GALNT13: variants seen among roughly 807,000 people sequenced by gnomAD.
GALNT13 encodes the protein UDP-GalNAc:polypeptide N-acetylgalactosaminyltransferase 13.
GALNT13 carries 28 observed loss-of-function variants against 64.2 expected under a neutral mutation model. The observed-to-expected ratio is 0.44, with a 90% confidence interval of 0.32 to 0.60. GALNT13 has a LOEUF of 0.60. Among genes scored for constraint, GALNT13 ranks in the 20% least tolerant of loss-of-function variants. GALNT13 has a pLI of 0.05. For synonymous variants in GALNT13, 214 were observed against 224.6 expected, an observed-to-expected ratio of 0.95 and a Z score of 0.42; for missense variants, 577 against 669.8, an observed-to-expected ratio of 0.86 and a Z score of 1.53.
intron 3 of GALNT13, among the ~76,000 whole-genome samples, chr2:154,018,767 TGA>T (rs1427167256): frequency 5.0e-5 from 7 of 140,670 alleles, no homozygotes; most frequent in Admixed American, 3.7e-4. Flanking sequence ...AGAAAGAGAA[TGA>T]GAGAGAAGGA....
chr2:154,374,834 A>G (rs1020808369), intron 9 of GALNT13, among the ~76,000 whole-genome samples: 3 of 152,222 alleles, frequency 2.0e-5, no homozygotes, highest in African/African-American at 7.2e-5. Flanking sequence ...TGTTTTAAAT[A>G]TCTTTCAAAA....
At chr2:154,409,178 C>A (rs1312739998) in intron 11 of GALNT13, 96 bp downstream of exon 11, 1 of 794,524 alleles carries the variant, frequency 1.3e-6, no homozygotes, top group Non-Finnish European at 2.2e-6. Context: ...TAACTATAAA[C>A]TGAGCTTAAT....
the GALNT13 span, among the ~76,000 whole-genome samples, chr2:153,509,653 C>T: frequency 6.6e-6 from 1 of 152,300 alleles, no homozygotes; most frequent in South Asian, 2.1e-4. Context: ...CAGCAATCAA[C>T]ATTTAACTCT....
chr2:153,443,865 G>A, the GALNT13 span, among the ~76,000 whole-genome samples: 1 of 152,038 alleles, frequency 6.6e-6, no homozygotes, highest in Non-Finnish European at 1.5e-5. Context: ...AGAGTTTGCA[G>A]TGAGCTGAGA....
intron 3 of GALNT13, among the ~76,000 whole-genome samples, chr2:154,027,766 C>A (rs897390849): frequency 2.6e-5 from 4 of 151,932 alleles, no homozygotes; most frequent in African/African-American, 7.3e-5. Flanking sequence ...TAAATAGGAA[C>A]TGGGAATATA....
the GALNT13 span, among the ~76,000 whole-genome samples, chr2:153,198,319 G>A: frequency 6.6e-6 from 1 of 152,164 alleles, no homozygotes; most frequent in Non-Finnish European, 1.5e-5. Context: ...GGGAGTTGAG[G>A]AACTCTTCCA....
intron 9 of GALNT13, among the ~76,000 whole-genome samples, chr2:154,336,128 T>A (rs1178308393): frequency 6.6e-6 from 1 of 152,104 alleles, no homozygotes. Context: ...CATATAAAAT[T>A]TCCTAGCACA....
intron 3 of GALNT13, among the ~76,000 whole-genome samples, chr2:154,025,094 T>C (rs2105290535): frequency 6.6e-6 from 1 of 152,244 alleles, no homozygotes; most frequent in East Asian, 1.9e-4. Context: ...AAGTTGTCAG[T>C]CCGCCCCTAC....
At chr2:153,431,373 G>A in the GALNT13 span, among the ~76,000 whole-genome samples, 2 of 152,100 alleles carry the variant, frequency 1.3e-5, no homozygotes, top group East Asian at 3.9e-4. Flanking sequence ...CATGCCATGT[G>A]TAGATGTCTT....
the GALNT13 span, among the ~76,000 whole-genome samples, chr2:153,860,566 T>A: frequency 6.6e-6 from 1 of 152,180 alleles, no homozygotes; most frequent in Admixed American, 6.5e-5. Flanking sequence ...CTTCTATCCA[T>A]ATGCAAAGCT....
At chr2:153,762,593 A>G in the GALNT13 span, 941 of 172,460 alleles carry the variant, frequency 5.5e-3, 10 homozygotes, top group African/African-American at 0.022. Context: ...GTTCTTCCTT[A>G]GTGGTACTTT....
intron 11 of GALNT13, among the ~76,000 whole-genome samples, chr2:154,414,434 G>C (rs1476029102): frequency 6.6e-6 from 1 of 151,906 alleles, no homozygotes; most frequent in Non-Finnish European, 1.5e-5. Context: ...CAGGTTTATA[G>C]TCACTGTATT....
At chr2:153,242,957 G>A in the GALNT13 span, among the ~76,000 whole-genome samples, 1 of 152,086 alleles carries the variant, frequency 6.6e-6, no homozygotes. Flanking sequence ...TTGACTTTTG[G>A]GATTATCGAA....
chr2:154,203,043 A>G (rs1213310750), intron 4 of GALNT13, among the ~76,000 whole-genome samples: 1 of 152,094 alleles, frequency 6.6e-6, no homozygotes, highest in Non-Finnish European at 1.5e-5. Context: ...ATACTTTTGA[A>G]AGTTCCAGTC....
At chr2:153,720,150 ACCC>A in the GALNT13 span, among the ~76,000 whole-genome samples, 1 of 144,528 alleles carries the variant, frequency 6.9e-6, no homozygotes, top group Non-Finnish European at 1.5e-5. Flanking sequence ...TGGGTCCCTG[ACCC>A]CTGACCCCCG....
the GALNT13 span, among the ~76,000 whole-genome samples, chr2:153,569,173 A>T: frequency 6.6e-6 from 1 of 152,180 alleles, no homozygotes; most frequent in African/African-American, 2.4e-5. Context: ...GAAGCTGCCA[A>T]ATAAGCAGGG....
At chr2:154,437,610 ACTT>A in intron 11 of GALNT13, 1 of 1,081,030 alleles carries the variant, frequency 9.3e-7, no homozygotes, top group Non-Finnish European at 1.2e-6. Context: ...TAATCCCAGC[ACTT>A]TGGGAGGCCG....
the GALNT13 span, among the ~76,000 whole-genome samples, chr2:153,695,506 C>G: frequency 6.6e-6 from 1 of 151,970 alleles, no homozygotes; most frequent in East Asian, 1.9e-4. Flanking sequence ...TTGATTTAGC[C>G]CATTAAGTAA....
chr2:154,219,534 GTA>G (rs769711845), intron 4 of GALNT13, among the ~76,000 whole-genome samples: 3 of 151,998 alleles, frequency 2.0e-5, no homozygotes, highest in Admixed American at 6.6e-5. Flanking sequence ...CACATTAATA[GTA>G]TATTGTGCAT....
Sources: allele counts gnomAD v4.1 joint callset (sites outside exome capture counted in the v4.1 genomes callset), GRCh38; gene constraint gnomAD v4.1.1; transcripts MANE v1.5; gene names NCBI Gene and HGNC (gene_info 2026-07-23, HGNC 2026-07-21).